Variants in PDE4D observed in about 807,000 individuals in gnomAD.
The protein encoded by PDE4D is 3',5'-cyclic-AMP phosphodiesterase 4D.
Under a neutral mutation model 87.4 loss-of-function variants are expected in PDE4D, and 24 were observed. The ratio of observed to expected loss-of-function variants is 0.27; its 90% CI spans 0.20 to 0.39. PDE4D has a LOEUF of 0.39. Ranked by LOEUF, PDE4D falls within the 10% of genes least tolerant of loss-of-function variation. The pLI, the probability that PDE4D is intolerant of heterozygous loss-of-function variation, is 1.00. For missense variants in PDE4D, 714 were observed against 1,041.0 expected (o/e 0.69, Z 4.32); for synonymous variants, 384 against 383.2 (o/e 1.00, Z -0.02).
At chr5:60,373,046 C>G (rs1284801061) in intron 1 of PDE4D, among the ~76,000 whole-genome samples, 1 of 152,178 alleles carries the variant, frequency 6.6e-6, no homozygotes, top group Admixed American at 6.5e-5. Flanking sequence ...TTCTTCAACT[C>G]TAAAGTGGAA....
chr5:59,769,435 A>G (rs781331176), intron 1 of PDE4D, among the ~76,000 whole-genome samples: 1 of 152,212 alleles, frequency 6.6e-6, no homozygotes, highest in East Asian at 1.9e-4. Context: ...TATTTGTGAT[A>G]TATACAATTT....
intron 1 of PDE4D, among the ~76,000 whole-genome samples, chr5:59,772,858 T>C (rs1763714120): frequency 1.3e-5 from 2 of 152,060 alleles, no homozygotes; most frequent in African/African-American, 4.8e-5. Context: ...ATGGGTTAAT[T>C]TTAGAAATGA....
At chr5:59,072,442 T>C (rs1390430276) in intron 5 of PDE4D, among the ~76,000 whole-genome samples, 1 of 152,202 alleles carries the variant, frequency 6.6e-6, no homozygotes, top group Non-Finnish European at 1.5e-5. Context: ...AACACAAATA[T>C]ATAAGTGTTT....
At chr5:59,688,465 G>T (rs2150392009) in intron 1 of PDE4D, among the ~76,000 whole-genome samples, 1 of 152,282 alleles carries the variant, frequency 6.6e-6, no homozygotes, top group South Asian at 2.1e-4. Context: ...GCTCCTGAAT[G>T]ACTACTGGGT....
chr5:60,095,241 C>G (rs765645812), intron 2 of PDE4D, among the ~76,000 whole-genome samples: 17 of 152,240 alleles, frequency 1.1e-4, no homozygotes, highest in Non-Finnish European at 2.5e-4. Context: ...TGATGTTCCA[C>G]TCCCCATGTC....
chr5:60,478,708 A>T (rs1748507657), intron 1 of PDE4D, among the ~76,000 whole-genome samples: 1 of 152,148 alleles, frequency 6.6e-6, no homozygotes. Context: ...ATAAACTTTC[A>T]CATTAGAGAA....
At chr5:59,909,360 CA>C (rs1329296136) in intron 3 of PDE4D, among the ~76,000 whole-genome samples, 1 of 151,330 alleles carries the variant, frequency 6.6e-6, no homozygotes, top group Non-Finnish European at 1.5e-5. Flanking sequence ...GAGTAAGGTT[CA>C]GGAATCGGCA....
At chr5:59,466,301 C>G (rs1015669323) in intron 1 of PDE4D, among the ~76,000 whole-genome samples, 1 of 152,140 alleles carries the variant, frequency 6.6e-6, no homozygotes, top group Admixed American at 6.5e-5. Flanking sequence ...TTCAGCTCAC[C>G]CAATCTGCTA....
upstream of PDE4D, among the ~76,000 whole-genome samples, chr5:59,896,802 C>T (rs543187064): frequency 3.0e-4 from 46 of 152,254 alleles, no homozygotes; most frequent in African/African-American, 1.0e-3. Flanking sequence ...CTCTAGTTGC[C>T]TCTATGCTAA....
At chr5:60,449,741 G>A (rs1174463218) in intron 1 of PDE4D, among the ~76,000 whole-genome samples, 1 of 151,548 alleles carries the variant, frequency 6.6e-6, no homozygotes, top group African/African-American at 2.4e-5. Context: ...CTGGGCTCAA[G>A]AAATTCTCCT....
At chr5:59,451,310 A>G (rs1241063545) in intron 1 of PDE4D, among the ~76,000 whole-genome samples, 3 of 151,712 alleles carry the variant, frequency 2.0e-5, no homozygotes, top group African/African-American at 7.3e-5. Flanking sequence ...TTGAGACAGG[A>G]CTCTCTTGTT....
chr5:58,980,598 A>G (rs1044043543), intron 11 of PDE4D, among the ~76,000 whole-genome samples: 5 of 152,066 alleles, frequency 3.3e-5, no homozygotes, highest in Admixed American at 2.0e-4. Context: ...TGGATCATCA[A>G]GAATAAATTA....
At chr5:59,828,159 T>G (rs558698681) in intron 1 of PDE4D, among the ~76,000 whole-genome samples, 1 of 152,068 alleles carries the variant, frequency 6.6e-6, no homozygotes, top group Non-Finnish European at 1.5e-5. Context: ...GTGAATGGCT[T>G]TTTAAAGATC....
At chr5:59,187,265 T>C (rs911931770) in intron 3 of PDE4D, among the ~76,000 whole-genome samples, 13 of 152,232 alleles carry the variant, frequency 8.5e-5, no homozygotes, top group Admixed American at 6.5e-5. Flanking sequence ...TAATAAGTAA[T>C]CTAATTTAAT....
intron 3 of PDE4D, among the ~76,000 whole-genome samples, chr5:59,903,438 G>A (rs1752495398): frequency 6.6e-6 from 1 of 151,974 alleles, no homozygotes. Context: ...CTCTGGATGA[G>A]GCACTCGTCT....
At chr5:59,857,869 G>A (rs771998628) in intron 1 of PDE4D, among the ~76,000 whole-genome samples, 6 of 139,072 alleles carry the variant, frequency 4.3e-5, no homozygotes, top group Admixed American at 7.6e-5. Flanking sequence ...AGAGCAGAAG[G>A]AAGGAAGGTG....
intron 2 of PDE4D, among the ~76,000 whole-genome samples, chr5:60,042,581 A>G (rs1269986795): frequency 6.6e-6 from 1 of 152,188 alleles, no homozygotes; most frequent in East Asian, 1.9e-4. Flanking sequence ...CCTCTGGGAA[A>G]AACCTTCCAG....
At chr5:59,610,760 G>A (rs956504973) in intron 1 of PDE4D, among the ~76,000 whole-genome samples, 5 of 152,144 alleles carry the variant, frequency 3.3e-5, no homozygotes, top group African/African-American at 9.7e-5. Context: ...AGGGGGAAAA[G>A]GAGACTACAT....
intron 1 of PDE4D, among the ~76,000 whole-genome samples, chr5:59,432,712 G>T (rs1453144698): frequency 6.6e-6 from 1 of 152,088 alleles, no homozygotes; most frequent in African/African-American, 2.4e-5. Context: ...TGTCGCAAAA[G>T]TAAGAACAGC....
Sources: allele counts gnomAD v4.1 joint callset (sites outside exome capture counted in the v4.1 genomes callset), GRCh38; gene constraint gnomAD v4.1.1; transcripts MANE v1.5; gene names NCBI Gene and HGNC (gene_info 2026-07-23, HGNC 2026-07-21).